Variants in ASCL5 observed in about 807,000 individuals in gnomAD.
The protein encoded by ASCL5 is achaete-scute family bHLH transcription factor 5, also known as achaete-scute homolog 5.
For synonymous variants in ASCL5, 124 were observed against 131.5 expected, an observed-to-expected ratio of 0.94 and a Z score of 0.39; for missense variants, 262 against 268.9, an observed-to-expected ratio of 0.97 and a Z score of 0.18.
intron 1 of ASCL5, among the ~76,000 whole-genome samples, chr1:201,125,132 T>G (rs1663555759): frequency 6.6e-6 from 1 of 152,240 alleles, no homozygotes; most frequent in Admixed American, 6.5e-5. Context: ...AGCAGGCCTA[T>G]TCCATTTCCT....
intron 1 of ASCL5, among the ~76,000 whole-genome samples, chr1:201,124,668 G>A (rs1316898522): frequency 6.6e-6 from 1 of 152,232 alleles, no homozygotes; most frequent in Non-Finnish European, 1.5e-5. Context: ...TAGGTGGGAA[G>A]TGACTGCAGC....
At chr1:201,121,529 A>G (rs1157799977) in intron 1 of ASCL5, among the ~76,000 whole-genome samples, 1 of 152,212 alleles carries the variant, frequency 6.6e-6, no homozygotes, top group African/African-American at 2.4e-5. Context: ...TTGTAGACCA[A>G]TAATTAGCAG....
chr1:201,118,494 A>T (rs1018850213), intron 1 of ASCL5, among the ~76,000 whole-genome samples: 1 of 152,002 alleles, frequency 6.6e-6, no homozygotes, highest in Non-Finnish European at 1.5e-5. Flanking sequence ...CAAGAAAAAA[A>T]AAAAAAAAGA....
At position 201,115,010 on chromosome 1, in the gene ASCL5, C is replaced by T; in HGVS notation, c.363G>A (p.Lys121=). 2.4e-6 allele frequency: 3 copies of T among 1,231,844 alleles called. No individual in the cohort carries two copies. The highest frequency in any genetic ancestry group is 3.0e-6 in the Non-Finnish European group (3 of 988,076). The allele number at this position is 1,231,844 out of a possible 1,614,324, so 76.3% of individuals were successfully genotyped here. Residue 121 remains lysine (K), a synonymous_variant, in exon 2 of 2, where the codon AAG becomes AAA. Transcript: ENST00000449188. Reference sequence around the variant, plus strand: ...GGATGGCGGCGCGCAGCGTCTCCACCTTGCTGAGTCGCTTCTCAGCCAGGG... The same window carrying T: ...GGATGGCGGCGCGCAGCGTCTCCACTTTGCTGAGTCGCTTCTCAGCCAGGG... ...PGALAEKRLS[K]VETLRAAIRY...
At chr1:201,125,484 C>A (rs1663562440) in intron 1 of ASCL5, among the ~76,000 whole-genome samples, 1 of 152,204 alleles carries the variant, frequency 6.6e-6, no homozygotes, top group African/African-American at 2.4e-5. Flanking sequence ...CCAACTCCTA[C>A]TTCTGGAAGC....
At chr1:201,123,557 T>A (rs1027295862) in intron 1 of ASCL5, among the ~76,000 whole-genome samples, 1 of 152,196 alleles carries the variant, frequency 6.6e-6, no homozygotes, top group South Asian at 2.1e-4. Context: ...TTAAGCAAAT[T>A]GCCGCAGGTC....
At chr1:201,118,772 C>T (rs1663396984) in intron 1 of ASCL5, among the ~76,000 whole-genome samples, 2 of 152,158 alleles carry the variant, frequency 1.3e-5, no homozygotes, top group African/African-American at 2.4e-5. Context: ...TCATGATGTG[C>T]AAGACCTCAT....
intron 1 of ASCL5, among the ~76,000 whole-genome samples, chr1:201,119,112 G>A (rs1023679557): frequency 5.9e-5 from 9 of 152,204 alleles, no homozygotes; most frequent in African/African-American, 1.7e-4. Flanking sequence ...GGGATGTCCC[G>A]CTGAAGATTC....
intron 1 of ASCL5, among the ~76,000 whole-genome samples, chr1:201,121,539 G>C (rs544169042): frequency 6.6e-6 from 1 of 152,142 alleles, no homozygotes; most frequent in African/African-American, 2.4e-5. Flanking sequence ...ATAATTAGCA[G>C]TGTCGATTTA....
chr1:201,114,584 C>T lies in ASCL5; in HGVS notation c.*168G>A. ...CGTACCCGCTGCCCTGCACTTCCGC[C>T]CCAAGCTGGTGGAGGAGGGAGGGTG... is the stretch of plus-strand genomic sequence containing the variant. On this transcript the variant is annotated 3_prime_UTR_variant, in exon 2 of 2. Coordinates refer to ENST00000449188, the MANE Select transcript of ASCL5 (RefSeq NM_001270601.2). 1.8e-6 allele frequency: 1 copy of T among 547,468 alleles called. No individual in the cohort carries two copies. The highest frequency in any genetic ancestry group is 2.7e-6 in the Non-Finnish European group (1 of 366,332). The allele number at this position is 547,468 out of a possible 1,614,324, so 33.9% of individuals were successfully genotyped here.
chr1:201,115,602 C>T lies in ASCL5; in HGVS notation c.-230G>A. 8.4e-6 allele frequency: 3 copies of T among 359,004 alleles called. No homozygotes were observed. The highest frequency in any genetic ancestry group is 1.5e-5 in the Non-Finnish European group (3 of 201,848). 22.2% of individuals were successfully genotyped at this position (359,004 alleles called of 1,614,324 possible). ...CTCAGGAGGTCGGTGCACGCCTTCT[C>T]AGAGCCAGCCCATGGCGCCGCGGAA... On this transcript the variant is annotated 5_prime_UTR_variant, in exon 2 of 2. An upstream open reading frame in the 5' UTR loses its in-frame stop. Transcript: ENST00000449188.
intron 1 of ASCL5, among the ~76,000 whole-genome samples, chr1:201,122,621 C>A (rs1016912368): frequency 6.6e-6 from 1 of 152,166 alleles, no homozygotes; most frequent in Non-Finnish European, 1.5e-5. Flanking sequence ...CTTGGCCGGG[C>A]AGCGGTCCCC....
chr1:201,115,412 G>A lies in ASCL5; in HGVS notation c.-40C>T, dbSNP rs12567120. 4,311 of 1,230,880 alleles carry A rather than the reference G, an allele frequency of 3.5e-3. 185 individuals carry two copies. The East Asian group carries it at 0.099, about 28-fold the overall frequency. 76.2% of individuals were successfully genotyped at this position (1,230,880 alleles called of 1,614,324 possible). ...CTGGACCCAGAGCGAGGCCTCCACCGAATGGCCCCGGCTTGGGGTCTGCAC... is the reference window on the plus strand; with the variant it reads ...CTGGACCCAGAGCGAGGCCTCCACCAAATGGCCCCGGCTTGGGGTCTGCAC... On this transcript the variant is annotated 5_prime_UTR_variant, in exon 2 of 2. Coordinates refer to ENST00000449188, the MANE Select transcript of ASCL5 (RefSeq NM_001270601.2).
intron 1 of ASCL5, among the ~76,000 whole-genome samples, chr1:201,120,823 T>C (rs1216775395): frequency 2.6e-5 from 4 of 152,242 alleles, no homozygotes; most frequent in Non-Finnish European, 5.9e-5. Context: ...CATAGTCTTC[T>C]TCTTCTCCTA....
chr1:201,123,870 A>G (rs1663529738), intron 1 of ASCL5, among the ~76,000 whole-genome samples: 1 of 152,160 alleles, frequency 6.6e-6, no homozygotes, highest in Non-Finnish European at 1.5e-5. Context: ...CCTTTCGGGG[A>G]GTAGAAATAC....
At chr1:201,116,795 A>G (rs1255691621) in intron 1 of ASCL5, among the ~76,000 whole-genome samples, 2 of 152,148 alleles carry the variant, frequency 1.3e-5, no homozygotes, top group Non-Finnish European at 2.9e-5. Context: ...GTGTGTCTAC[A>G]GTGTTCCATA....
At chr1:201,118,754 CTTA>C (rs1663396217) in intron 1 of ASCL5, among the ~76,000 whole-genome samples, 1 of 152,142 alleles carries the variant, frequency 6.6e-6, no homozygotes, top group African/African-American at 2.4e-5. Context: ...CATAGCTACA[CTTA>C]TTATTCATGA....
At chr1:201,116,778 C>G (rs949364771) in intron 1 of ASCL5, among the ~76,000 whole-genome samples, 1 of 152,216 alleles carries the variant, frequency 6.6e-6, no homozygotes, top group African/African-American at 2.4e-5. Flanking sequence ...GCACTCCCCC[C>G]TCTTGTGTGT....
chr1:201,120,442 C>A (rs1418634586), intron 1 of ASCL5, among the ~76,000 whole-genome samples: 1 of 152,174 alleles, frequency 6.6e-6, no homozygotes, highest in Non-Finnish European at 1.5e-5. Context: ...GTCTCCCCAC[C>A]CTCCTCAGCC....
Sources: allele counts gnomAD v4.1 joint callset (sites outside exome capture counted in the v4.1 genomes callset), GRCh38; gene constraint gnomAD v4.1.1; transcripts MANE v1.5; gene names NCBI Gene and HGNC (gene_info 2026-07-23, HGNC 2026-07-21).